The following FAM120C variants were observed in gnomAD, a reference collection of about 807,000 sequenced individuals.
FAM120C encodes the protein family with sequence similarity 120 member C.
A neutral mutation model predicts 71.2 loss-of-function variants in FAM120C; 14 were observed. The ratio of observed to expected loss-of-function variants is 0.20; its 90% CI spans 0.13 to 0.31. FAM120C has a LOEUF of 0.31. Ranked by LOEUF, FAM120C falls within the 10% of genes least tolerant of loss-of-function variation. The pLI is 1.00. For missense variants in FAM120C, 500 were observed against 879.0 expected, an observed-to-expected ratio of 0.57 and a Z score of 5.45; for synonymous variants, 354 against 353.2, an observed-to-expected ratio of 1.00 and a Z score of -0.03.
chrX:54,140,890 A>G (rs1422038555), intron 4 of FAM120C, among the ~76,000 whole-genome samples: 13 of 105,932 alleles, frequency 1.2e-4, no homozygotes, highest in Admixed American at 1.0e-3. Flanking sequence ...CAGTGAGCCA[A>G]GATTGTGTCA....
intron 13 of FAM120C, among the ~76,000 whole-genome samples, chrX:54,085,313 C>T (rs781996110): frequency 1.8e-5 from 2 of 111,889 alleles, no homozygotes. Flanking sequence ...TGAGGCCGGG[C>T]GCTGTGGCTC....
intron 13 of FAM120C, among the ~76,000 whole-genome samples, chrX:54,084,736 TG>T: frequency 9.0e-6 from 1 of 110,710 alleles, no homozygotes; most frequent in Middle Eastern, 4.7e-3. Context: ...AAAAAAATCT[TG>T]TTTCACCACG....
At chrX:54,138,081 A>C (rs1318053723) in intron 4 of FAM120C, among the ~76,000 whole-genome samples, 2 of 111,849 alleles carry the variant, frequency 1.8e-5, no homozygotes, top group East Asian at 5.6e-4. Context: ...TGGAAGAATA[A>C]ATAAATTGTG....
rs142414553 is a variant in FAM120C at position 54,162,707 on chromosome X, C to T, written c.700-3091G>A. On this transcript the variant is annotated intron_variant, in intron 1 of 15. Coordinates refer to ENST00000375180, the MANE Select transcript of FAM120C (RefSeq NM_017848.6). Reference sequence around the variant, plus strand: ...CACTAGATTGCAAGCTATCCAAGCTCGAGTAGCAAAGTAGTATTAGGTATC... The same window carrying T: ...CACTAGATTGCAAGCTATCCAAGCTTGAGTAGCAAAGTAGTATTAGGTATC... Among the ~76,000 whole-genome samples, 17 of 111,854 alleles carry T rather than the reference C, an allele frequency of 1.5e-4. No individual in the cohort carries two copies. The East Asian group carries it at 4.8e-3, about 31-fold the overall frequency.
At chrX:54,103,405 C>T (rs192531243) in intron 10 of FAM120C, among the ~76,000 whole-genome samples, 166 of 111,704 alleles carry the variant, frequency 1.5e-3, no homozygotes, top group African/African-American at 5.0e-3. Context: ...AAAAAAATCC[C>T]TTTCCTATCT....
chrX:54,156,315 C>CTTTT (rs35737980), intron 3 of FAM120C, among the ~76,000 whole-genome samples: 1 of 28,423 alleles, frequency 3.5e-5, no homozygotes, highest in African/African-American at 1.5e-4. Flanking sequence ...TCACAACAGT[C>CTTTT]TTTTTTTTTT....
At chrX:54,101,315 C>T (rs781939491) in intron 10 of FAM120C, among the ~76,000 whole-genome samples, 1 of 111,293 alleles carries the variant, frequency 9.0e-6, no homozygotes, top group African/African-American at 3.3e-5. Context: ...AGGCCTCCTC[C>T]ACTCCCAAAC....
intron 10 of FAM120C, among the ~76,000 whole-genome samples, chrX:54,111,939 T>C (rs938727663): frequency 1.8e-5 from 2 of 112,080 alleles, no homozygotes; most frequent in Non-Finnish European, 3.8e-5. Context: ...AATAGACACA[T>C]AGATCAATGG....
At chrX:54,172,091 AG>A (rs1321968279) in intron 1 of FAM120C, among the ~76,000 whole-genome samples, 1 of 112,723 alleles carries the variant, frequency 8.9e-6, no homozygotes, top group Non-Finnish European at 1.9e-5. Flanking sequence ...TAATTTTGCT[AG>A]GAACAAGCAA....
At chrX:54,161,452 T>C (rs1557134422) in intron 1 of FAM120C, among the ~76,000 whole-genome samples, 1 of 111,999 alleles carries the variant, frequency 8.9e-6, no homozygotes, top group African/African-American at 3.2e-5. Context: ...AATCTTCAGC[T>C]GGTCTGAAGC....
chrX:54,088,591 C>CAAAAA (rs1230524883), intron 11 of FAM120C, among the ~76,000 whole-genome samples: 1 of 32,902 alleles, frequency 3.0e-5, no homozygotes, highest in Non-Finnish European at 4.5e-5. Flanking sequence ...GACTCCATCT[C>CAAAAA]AAAAAAAAAA....
chrX:54,117,036 C>CACAAA (rs1346700654), intron 9 of FAM120C, among the ~76,000 whole-genome samples: 1 of 111,192 alleles, frequency 9.0e-6, no homozygotes, highest in Non-Finnish European at 1.9e-5. Flanking sequence ...GATACATTAT[C>CACAAA]ACAAAACAAA....
At chrX:54,131,681 G>A (rs1380418405) in intron 9 of FAM120C, among the ~76,000 whole-genome samples, 4 of 111,226 alleles carry the variant, frequency 3.6e-5, no homozygotes, top group East Asian at 2.8e-4. Flanking sequence ...CAGGTGATCC[G>A]CCCGCCTTGG....
intron 4 of FAM120C, 56 bp downstream of exon 4, chrX:54,151,189 G>A: frequency 8.4e-7 from 1 of 1,185,589 alleles, no homozygotes; most frequent in South Asian, 1.8e-5. Context: ...ACCTGCTGGT[G>A]TTGCTGAAGA....
chrX:54,174,041 A>G (rs1557136329), intron 1 of FAM120C: 1 of 503,651 alleles, frequency 2.0e-6, no homozygotes, highest in African/African-American at 2.3e-5. Flanking sequence ...TGCAGGCTGT[A>G]GTTGGACTGA....
chrX:54,131,320 G>A (rs1193905949), intron 9 of FAM120C, among the ~76,000 whole-genome samples: 1 of 111,408 alleles, frequency 9.0e-6, no homozygotes, highest in African/African-American at 3.3e-5. Flanking sequence ...CCAGGCTGGA[G>A]TGCAGTGGCG....
intron 1 of FAM120C, among the ~76,000 whole-genome samples, chrX:54,173,250 GAT>G (rs782513719): frequency 5.3e-4 from 59 of 112,182 alleles, no homozygotes; most frequent in Middle Eastern, 4.7e-3. Flanking sequence ...TTTGTATAAT[GAT>G]ATTTCTTTTT....
chrX:54,088,105 C>A, intron 11 of FAM120C, 141 bp from the exon 12 acceptor site: 2 of 495,664 alleles, frequency 4.0e-6, no homozygotes, highest in Middle Eastern at 1.0e-3. Flanking sequence ...GCATAAGCAG[C>A]TTCTATCCAT....
intron 4 of FAM120C, among the ~76,000 whole-genome samples, chrX:54,146,361 G>T (rs1486444566): frequency 9.0e-6 from 1 of 110,761 alleles, no homozygotes; most frequent in Admixed American, 9.7e-5. Flanking sequence ...GAAAGACAAA[G>T]GAACAAATAT....
Sources: allele counts gnomAD v4.1 joint callset (sites outside exome capture counted in the v4.1 genomes callset), GRCh38; gene constraint gnomAD v4.1.1; transcripts MANE v1.5; gene names NCBI Gene and HGNC (gene_info 2026-07-23, HGNC 2026-07-21).